SEPTIN14: variants seen among roughly 807,000 people sequenced by gnomAD.
SEPTIN14 encodes the protein septin 14.
A neutral mutation model predicts 53.6 loss-of-function variants in SEPTIN14; 40 were observed. The ratio of observed to expected loss-of-function variants is 0.75; its 90% CI spans 0.58 to 0.97. The LOEUF is 0.97. Ranked by LOEUF, SEPTIN14 falls within the 50% of genes least tolerant of loss-of-function variation. SEPTIN14 has a pLI of 0.00. For missense variants in SEPTIN14, 471 were observed against 508.2 expected (o/e 0.93, Z 0.70); for synonymous variants, 138 against 166.8 (o/e 0.83, Z 1.33).
intron 2 of SEPTIN14, among the ~76,000 whole-genome samples, chr7:55,854,398 T>C (rs960172054): frequency 1.8e-4 from 27 of 152,252 alleles, no homozygotes; most frequent in Admixed American, 1.6e-3. Context: ...AAAGCAGAGA[T>C]GTCAGCTGTT....
Position 55,795,815 on chromosome 7 carries a change from T to G in SEPTIN14, c.*98A>C. The G allele has an allele frequency of 1.0e-6, 1 of 962,336 alleles. No homozygotes were observed. Among genetic ancestry groups the G allele is most frequent in the Non-Finnish European group, 1.6e-6 (1 of 626,306 alleles). 59.6% of individuals were successfully genotyped at this position (962,336 alleles called of 1,614,324 possible). ...GAAAATATACAATAAGCAAGCCAAT[T>G]TTTAAAATGAGAACTTCAGAGTTAA... is the stretch of plus-strand genomic sequence containing the variant. On this transcript the variant is annotated 3_prime_UTR_variant, in exon 10 of 10. Coordinates refer to ENST00000388975, the MANE Select transcript of SEPTIN14 (RefSeq NM_207366.3).
intron 6 of SEPTIN14, among the ~76,000 whole-genome samples, chr7:55,819,723 C>A (rs1231413239): frequency 7.7e-6 from 1 of 129,238 alleles, no homozygotes; most frequent in Non-Finnish European, 1.6e-5. Context: ...GCTGTGCACA[C>A]AATTGGAAAC....
chr7:55,848,599 T>A (rs915020945), intron 2 of SEPTIN14, among the ~76,000 whole-genome samples: 6 of 145,466 alleles, frequency 4.1e-5, no homozygotes, highest in Non-Finnish European at 7.4e-5. Flanking sequence ...CCCGATCTAC[T>A]AACAGAGATT....
rs1410822323 is a variant in SEPTIN14, at chr7:55,854,953, G to A, written c.54+6990C>T. ...TCAGAGATGTGGAGAGCAGAAAAAAGACATCACTACTAATACTATAGGAAT... is the reference window on the plus strand; with the variant it reads ...TCAGAGATGTGGAGAGCAGAAAAAAAACATCACTACTAATACTATAGGAAT... On this transcript the variant is annotated intron_variant, in intron 2 of 9. Transcript: ENST00000388975. Among the ~76,000 whole-genome samples the A allele has an allele frequency of 2.7e-5, 4 of 150,616 alleles. 1 individual carries two copies. The highest frequency in any genetic ancestry group is 5.9e-5 in the Non-Finnish European group (4 of 67,758).
At chr7:55,833,754 A>T (rs28895377) in intron 6 of SEPTIN14, among the ~76,000 whole-genome samples, 40,454 of 151,982 alleles carry the variant, frequency 0.27, 7,792 homozygotes, top group African/African-American at 0.53. Context: ...CTAAGAGTTG[A>T]TTTGGGGAAA....
intron 4 of SEPTIN14, 142 bp from the exon 5 acceptor site, chr7:55,843,270 A>G: frequency 2.0e-6 from 1 of 504,640 alleles, no homozygotes; most frequent in East Asian, 3.1e-5. Flanking sequence ...CCATACAAAG[A>G]TATTAATTCT....
chr7:55,806,115 G>C (rs1476446917), intron 8 of SEPTIN14, among the ~76,000 whole-genome samples: 1 of 151,992 alleles, frequency 6.6e-6, no homozygotes, highest in African/African-American at 2.4e-5. Context: ...TCCTGCCTCA[G>C]CCTCCCGAGT....
chr7:55,830,455 T>G (rs1789090004), intron 6 of SEPTIN14, among the ~76,000 whole-genome samples: 2 of 149,264 alleles, frequency 1.3e-5, no homozygotes, highest in South Asian at 4.3e-4. Flanking sequence ...CACGCCATTC[T>G]GCCTCAGCCT....
rs1214849802 is a variant in SEPTIN14, at chr7:55,857,490, GAGGGAAGGGA to G, written c.54+4443_54+4452del. On this transcript the variant is annotated intron_variant, in intron 2 of 9. Transcript: ENST00000388975. ...GAGGGGAGAGGAAGGGAGGGGAGGG[GAGGGAAGGGA>G]AGGGAAGGGAAGGGAAGGGAAAGGA... Among the ~76,000 whole-genome samples the G allele has an allele frequency of 5.8e-3, 412 of 71,440 alleles. 4 individuals carry two copies. The highest frequency in any genetic ancestry group is 0.025 in the African/African-American group (371 of 14,722). 46.9% of individuals were successfully genotyped at this position (71,440 alleles called of 152,430 possible).
chr7:55,862,075 A>T (rs1024586781), intron 1 of SEPTIN14, 64 bp from the exon 2 acceptor site: 100 of 953,798 alleles, frequency 1.0e-4, no homozygotes, highest in Middle Eastern at 3.1e-4. Context: ...CTTACTATAT[A>T]ATTTAGATAA....
chr7:55,855,548 TTTTTC>T (rs992619310), intron 2 of SEPTIN14, among the ~76,000 whole-genome samples: 5 of 151,830 alleles, frequency 3.3e-5, no homozygotes, highest in Admixed American at 1.3e-4. Flanking sequence ...TGTAGGTGCT[TTTTTC>T]TTTTCTTTTC....
intron 5 of SEPTIN14, among the ~76,000 whole-genome samples, chr7:55,835,193 A>T (rs1001594877): frequency 1.3e-5 from 2 of 151,520 alleles, no homozygotes; most frequent in African/African-American, 4.8e-5. Context: ...TATTTTATTT[A>T]TTTATTTATT....
In SEPTIN14 at chr7:55,829,631, T is replaced by C. The variant is rs187285390; in HGVS notation, c.720+4794A>G. 2.8e-3 allele frequency among the ~76,000 whole-genome samples: 424 copies of C among 151,400 alleles called. 5 individuals are homozygous for C. The highest frequency in any genetic ancestry group is 0.01 in the Middle Eastern group (3 of 292). The stretch of plus-strand genomic sequence containing the variant: ...GCTCGGATGTGGCTGGAGCTGGAGG[T>C]GCAGAGGGCCAGAGATGCTGCAGAC... On this transcript the variant is annotated intron_variant, in intron 6 of 9. Coordinates refer to ENST00000388975, the MANE Select transcript of SEPTIN14 (RefSeq NM_207366.3).
At chr7:55,806,132 G>A (rs1788605902) in intron 8 of SEPTIN14, among the ~76,000 whole-genome samples, 1 of 151,918 alleles carries the variant, frequency 6.6e-6, no homozygotes. Flanking sequence ...GAGTTAACTG[G>A]GATTACGGGC....
chr7:55,857,132 A>T (rs1794932956), intron 2 of SEPTIN14, among the ~76,000 whole-genome samples: 1 of 149,088 alleles, frequency 6.7e-6, no homozygotes, highest in Admixed American at 6.7e-5. Context: ...CAGCACTTTG[A>T]GAGGCTGAGG....
chr7:55,795,283 C>T lies in SEPTIN14; in HGVS notation c.*630G>A, dbSNP rs1211159689. On this transcript the variant is annotated 3_prime_UTR_variant, in exon 10 of 10. Coordinates refer to ENST00000388975, the MANE Select transcript of SEPTIN14 (RefSeq NM_207366.3). ...GTCACTACTGGATCCAAAAGCAGGACTATGGTAAATAAATTTCTCCACCTA... is the reference window on the plus strand; with the variant it reads ...GTCACTACTGGATCCAAAAGCAGGATTATGGTAAATAAATTTCTCCACCTA... 1 of 152,398 alleles carries T rather than the reference C, an allele frequency of 6.6e-6. No homozygotes were observed. Among genetic ancestry groups the T allele is most frequent in the Non-Finnish European group, 1.5e-5 (1 of 68,262 alleles). 9.4% of individuals were successfully genotyped at this position (152,398 alleles called of 1,614,324 possible).
chr7:55,801,784 G>A (rs759384339), intron 9 of SEPTIN14, among the ~76,000 whole-genome samples: 10 of 151,788 alleles, frequency 6.6e-5, no homozygotes, highest in Non-Finnish European at 1.0e-4. Flanking sequence ...AGCCAGGCAC[G>A]GTGGTACATG....
At chr7:55,813,458 G>A (rs759618047) in intron 7 of SEPTIN14, among the ~76,000 whole-genome samples, 13 of 152,148 alleles carry the variant, frequency 8.5e-5, no homozygotes, top group African/African-American at 1.7e-4. Flanking sequence ...ATAGGAATGC[G>A]TGTGACCCAG....
chr7:55,801,799 C>T (rs939745534), intron 9 of SEPTIN14, among the ~76,000 whole-genome samples: 10 of 151,802 alleles, frequency 6.6e-5, no homozygotes, highest in Non-Finnish European at 1.5e-4. Context: ...TACATGCCTG[C>T]GGTCCCAGCT....
Sources: gnomAD v4.1 joint callset for allele counts (sites outside exome capture counted in the v4.1 genomes callset) on GRCh38, gnomAD v4.1.1 for gene constraint, MANE v1.5 for transcripts, NCBI Gene and HGNC (gene_info 2026-07-23, HGNC 2026-07-21) for gene names.